Variants in DIP2B observed in about 807,000 individuals in gnomAD.
The protein encoded by DIP2B is DIP2 acetate--CoA ligase B (putative).
DIP2B carries 76 observed loss-of-function variants against 198.0 expected under a neutral mutation model. The observed-to-expected ratio is 0.38, with a 90% CI of 0.32 to 0.46. The LOEUF (loss-of-function observed/expected upper bound fraction) is 0.46, where lower values mean the gene tolerates loss of function less well. Among genes scored for constraint, DIP2B ranks in the 20% least tolerant of loss-of-function variants. The probability of loss-of-function intolerance (pLI) is 0.99; values close to 1 mark genes in which losing one functional copy is unlikely to be tolerated. For synonymous variants in DIP2B, 701 were observed against 739.1 expected (o/e 0.95, Z 0.84); for missense variants, 1,559 against 1,978.4 (o/e 0.79, Z 4.02).
intron 33 of DIP2B, among the ~76,000 whole-genome samples, 167 bp from the exon 34 acceptor site, chr12:50,734,906 A>G (rs1940108966): frequency 6.6e-6 from 1 of 152,202 alleles, no homozygotes; most frequent in South Asian, 2.1e-4. Context: ...CCTTTCAACA[A>G]AAAATTATCT....
chr12:50,511,853 CAGG>C (rs989142828), intron 1 of DIP2B, among the ~76,000 whole-genome samples: 74 of 140,386 alleles, frequency 5.3e-4, no homozygotes, highest in African/African-American at 1.9e-3. Context: ...GAAGCTGAGG[CAGG>C]AGAATTGCTT....
chr12:50,635,152 C>G (rs993697453), intron 2 of DIP2B, among the ~76,000 whole-genome samples: 1 of 152,148 alleles, frequency 6.6e-6, no homozygotes, highest in Non-Finnish European at 1.5e-5. Context: ...AAAGGAGAGG[C>G]AGGATACTGC....
chr12:50,618,413 G>T (rs1274430843), intron 1 of DIP2B, among the ~76,000 whole-genome samples: 1 of 152,198 alleles, frequency 6.6e-6, no homozygotes, highest in Admixed American at 6.5e-5. Flanking sequence ...TGTGTCTGTT[G>T]TTCCAAGCAT....
At chr12:50,562,491 T>G (rs1958527840) in intron 1 of DIP2B, among the ~76,000 whole-genome samples, 1 of 152,076 alleles carries the variant, frequency 6.6e-6, no homozygotes, top group African/African-American at 2.4e-5. Flanking sequence ...TCCTAGCACT[T>G]TGGGAAACCG....
chr12:50,530,289 C>G (rs1364823687), intron 1 of DIP2B, among the ~76,000 whole-genome samples: 1 of 152,150 alleles, frequency 6.6e-6, no homozygotes, highest in African/African-American at 2.4e-5. Flanking sequence ...ACTGTGTTAG[C>G]CAGGATGGTC....
chr12:50,628,094 G>C (rs1937971116), intron 2 of DIP2B, among the ~76,000 whole-genome samples: 1 of 152,136 alleles, frequency 6.6e-6, no homozygotes. Context: ...ATGATGGGCC[G>C]AGCGTGGAGG....
At chr12:50,583,685 C>T (rs186585394) in intron 1 of DIP2B, among the ~76,000 whole-genome samples, 4 of 152,206 alleles carry the variant, frequency 2.6e-5, no homozygotes, top group Admixed American at 1.3e-4. Flanking sequence ...TTTCTATTTA[C>T]GATGGGTTTA....
chr12:50,506,574 A>G (rs765248608), intron 1 of DIP2B, among the ~76,000 whole-genome samples: 7 of 150,286 alleles, frequency 4.7e-5, no homozygotes, highest in South Asian at 2.1e-4. Flanking sequence ...TTATTTTTCA[A>G]TTAATCCAAT....
At chr12:50,695,798 A>G in intron 15 of DIP2B, 50 bp from the exon 16 acceptor site, 6 of 1,605,696 alleles carry the variant, frequency 3.7e-6, no homozygotes, top group Non-Finnish European at 5.1e-6. Flanking sequence ...TGTATTACAT[A>G]TGTCCCAAAT....
At position 50,745,306 on chromosome 12, in the gene DIP2B, A is replaced by G. The variant is rs1384230683; in HGVS notation, c.*467A>G. ...TACTCAGCTTTCTTTCAGTCAACCC[A>G]TAAGCAAATCAGATAACCCACTGAC... On this transcript the variant is annotated 3_prime_UTR_variant, in exon 38 of 38. Coordinates refer to ENST00000301180, the MANE Select transcript of DIP2B (RefSeq NM_173602.3). 1 of 167,580 alleles carries G rather than the reference A, an allele frequency of 6.0e-6. No individual in the cohort carries two copies. The highest frequency in any genetic ancestry group is 5.6e-5 in the Admixed American group (1 of 17,932). The allele number at this position is 167,580 out of a possible 1,614,324, so 10.4% of individuals were successfully genotyped here. A position where few individuals can be genotyped will look rare whatever the true frequency, so the allele number is the denominator to read the frequency against.
At chr12:50,653,125 C>G (rs1396296548) in intron 3 of DIP2B, among the ~76,000 whole-genome samples, 1 of 151,842 alleles carries the variant, frequency 6.6e-6, no homozygotes, top group Non-Finnish European at 1.5e-5. Context: ...ATAGAATTCT[C>G]CAGTGAAGCT....
intron 1 of DIP2B, among the ~76,000 whole-genome samples, chr12:50,549,923 T>G (rs77311537): frequency 0.014 from 2,081 of 152,214 alleles, 40 homozygotes; most frequent in African/African-American, 0.047. Flanking sequence ...AAAAGTCCTA[T>G]TCCAAATTTA....
intron 23 of DIP2B, 62 bp from the exon 24 acceptor site, chr12:50,718,647 T>C (rs1939777552): frequency 1.4e-6 from 2 of 1,428,040 alleles, no homozygotes; most frequent in Non-Finnish European, 9.8e-7. Flanking sequence ...AGTCTGGAAA[T>C]GCTCTGGATA....
intron 3 of DIP2B, chr12:50,655,093 A>G: frequency 4.7e-6 from 2 of 423,498 alleles, no homozygotes; most frequent in East Asian, 1.4e-4. Context: ...TTGTTGCATT[A>G]TTTTTAACTG....
intron 1 of DIP2B, among the ~76,000 whole-genome samples, chr12:50,615,402 T>C (rs1937680431): frequency 6.6e-6 from 1 of 152,196 alleles, no homozygotes; most frequent in Admixed American, 6.5e-5. Flanking sequence ...GGTTTAGATA[T>C]TTGTATACTC....
chr12:50,721,418 T>C, intron 26 of DIP2B, 22 bp downstream of exon 26: 1 of 1,613,414 alleles, frequency 6.2e-7, no homozygotes, highest in Non-Finnish European at 8.5e-7. Context: ...ATTGGCAGAC[T>C]AGAGTTTAAG....
At chr12:50,510,135 C>T (rs1170050861) in intron 1 of DIP2B, among the ~76,000 whole-genome samples, 1 of 152,058 alleles carries the variant, frequency 6.6e-6, no homozygotes, top group African/African-American at 2.4e-5. Flanking sequence ...TCTTTTAGAA[C>T]CCAAACTAGT....
chr12:50,692,848 C>A, intron 13 of DIP2B, 101 bp from the exon 14 acceptor site: 1 of 1,043,738 alleles, frequency 9.6e-7, no homozygotes, highest in African/African-American at 1.6e-5. Flanking sequence ...AAAGAAAAAG[C>A]AAACAAACAT....
At chr12:50,559,969 G>T (rs1202452219) in intron 1 of DIP2B, among the ~76,000 whole-genome samples, 1 of 151,984 alleles carries the variant, frequency 6.6e-6, no homozygotes, top group Non-Finnish European at 1.5e-5. Flanking sequence ...CCCTCATAGG[G>T]TTTACAATCG....
Sources: gnomAD v4.1 joint callset for allele counts (sites outside exome capture counted in the v4.1 genomes callset) on GRCh38, gnomAD v4.1.1 for gene constraint, MANE v1.5 for transcripts, NCBI Gene and HGNC (gene_info 2026-07-23, HGNC 2026-07-21) for gene names.